LMNB1: variants seen among roughly 807,000 people sequenced by gnomAD.
The protein encoded by LMNB1 is lamin-B1.
In LMNB1, 23 loss-of-function variants were observed where a neutral mutation model predicts 67.1. The ratio of observed to expected loss-of-function variants is 0.34; its 90% CI spans 0.25 to 0.49. The LOEUF is 0.49. LMNB1 is among the 20% of genes least tolerant of loss of function. The pLI, the probability that LMNB1 is intolerant of heterozygous loss-of-function variation, is 0.99. For missense variants in LMNB1, 634 were observed against 746.5 expected, an observed-to-expected ratio of 0.85 and a Z score of 1.76; for synonymous variants, 281 against 282.9, an observed-to-expected ratio of 0.99 and a Z score of 0.07.
chr5:126,800,503 A>G (rs1751243288), intron 1 of LMNB1, among the ~76,000 whole-genome samples: 1 of 150,564 alleles, frequency 6.6e-6, no homozygotes, highest in African/African-American at 2.4e-5. Context: ...TAGGACTTAG[A>G]CCTGAAGGGC....
At position 126,777,537 on chromosome 5, in the gene LMNB1, G is replaced by C; in HGVS notation, c.29G>C (p.Arg10Pro). The C allele has an allele frequency of 7.1e-7, 1 of 1,413,680 alleles. No individual in the cohort carries two copies. Among genetic ancestry groups the C allele is most frequent in the Non-Finnish European group, 9.2e-7 (1 of 1,081,156 alleles). The allele number at this position is 1,413,680 out of a possible 1,614,324, so 87.6% of individuals were successfully genotyped here. The change falls in exon 1 of 11, where the codon CGG becomes CCG. Residue 10 changes from arginine (R) to proline (P), a missense_variant. By Grantham distance (103) the Arg-to-Pro change is moderately radical. Coordinates refer to ENST00000261366, the MANE Select transcript of LMNB1 (RefSeq NM_005573.4). MATATPVPP[R>P]MGSRAGGPTT... ...GCGACTGCGACCCCCGTGCCGCCGC[G>C]GATGGGCAGCCGCGCTGGCGGCCCC...
chr5:126,821,123 C>T lies in LMNB1; in HGVS notation c.1374C>T (p.Asn458=), dbSNP rs776097239. The change falls in exon 7 of 11, where the codon AAC becomes AAT. Residue 458 remains asparagine (N), a synonymous_variant. Transcript: ENST00000261366. Reference sequence around the variant, plus strand: ...ATGGGAAATTTATCCGCTTGAAGAACACTTCTGAACAGGTAATAAAATAGA... The same window carrying T: ...ATGGGAAATTTATCCGCTTGAAGAATACTTCTGAACAGGTAATAAAATAGA... ...DVDGKFIRLK[N]TSEQDQPMGG... is the part of the protein sequence containing the mutation. The T allele has an allele frequency of 4.4e-6, 7 of 1,609,100 alleles. No homozygotes were observed. The highest frequency in any genetic ancestry group is 6.0e-6 in the Non-Finnish European group (7 of 1,175,602).
rs557076370 is a variant in LMNB1, at chr5:126,808,962, G to A, written c.643-1218G>A. Among the ~76,000 whole-genome samples, 244 of 151,810 alleles carry A rather than the reference G, an allele frequency of 1.6e-3. 1 individual carries two copies. The highest frequency in any genetic ancestry group is 5.4e-3 in the African/African-American group (225 of 41,376). ...GCGATCTTGGCTCACTGCAACCACC[G>A]TCTCCCAGGTTCAAGTGATTCTCCC... On this transcript the variant is annotated intron_variant, in intron 3 of 10. Transcript: ENST00000261366.
chr5:126,787,471 T>TAAC (rs1750822330), intron 1 of LMNB1, among the ~76,000 whole-genome samples: 1 of 147,664 alleles, frequency 6.8e-6, no homozygotes, highest in East Asian at 1.9e-4. Context: ...ATACTTTATG[T>TAAC]ATATGTTACT....
At chr5:126,812,027 T>C in intron 5 of LMNB1, 129 bp downstream of exon 5, 1 of 855,672 alleles carries the variant, frequency 1.2e-6, no homozygotes, top group Non-Finnish European at 1.8e-6. Flanking sequence ...ATCCTGTGCT[T>C]TCGTCTTCAC....
Position 126,836,396 on chromosome 5 carries a change from C to T in LMNB1, c.*132C>T. 1.6e-6 allele frequency: 1 copy of T among 632,210 alleles called. No individual in the cohort carries two copies. The highest frequency in any genetic ancestry group is 2.4e-5 in the South Asian group (1 of 41,880). The allele number at this position is 632,210 out of a possible 1,614,324, so 39.2% of individuals were successfully genotyped here. On this transcript the variant is annotated 3_prime_UTR_variant, in exon 11 of 11. Coordinates refer to ENST00000261366, the MANE Select transcript of LMNB1 (RefSeq NM_005573.4). Reference sequence around the variant, plus strand: ...AATTTTTAAGCTGCAAATCTGATGGCCTTAATTTCCTTTTTGACACTGAAA... The same window carrying T: ...AATTTTTAAGCTGCAAATCTGATGGTCTTAATTTCCTTTTTGACACTGAAA...
intron 8 of LMNB1, among the ~76,000 whole-genome samples, chr5:126,824,956 G>A (rs1341502364): frequency 6.6e-6 from 1 of 150,550 alleles, no homozygotes; most frequent in African/African-American, 2.4e-5. Context: ...CCAAAGTGCT[G>A]TGATTACAGG....
intron 1 of LMNB1, among the ~76,000 whole-genome samples, chr5:126,795,344 C>T (rs922140140): frequency 6.6e-6 from 1 of 151,960 alleles, no homozygotes; most frequent in Non-Finnish European, 1.5e-5. Flanking sequence ...CACCATGTTG[C>T]CCAGGGTGGT....
At chr5:126,811,974 G>T in intron 5 of LMNB1, 76 bp downstream of exon 5, 1 of 1,431,918 alleles carries the variant, frequency 7.0e-7, no homozygotes, top group Non-Finnish European at 9.7e-7. Context: ...CTTTGCTTGG[G>T]CTGATGTCAC....
chr5:126,826,077 G>A lies in LMNB1; in HGVS notation c.1581G>A (p.Val527=). 1.2e-6 allele frequency: 2 copies of A among 1,613,962 alleles called. No individual in the cohort carries two copies. The highest frequency in any genetic ancestry group is 8.5e-7 in the Non-Finnish European group (1 of 1,179,846). ...NQNSWGTGED[V]KVILKNSQGE... is the part of the protein sequence containing the mutation. ...ACTCGTGGGGCACTGGCGAAGATGT[G>A]AAGGTTATATTGAAAAATTCTCAGG... Residue 527 remains valine (V), a synonymous_variant, in exon 9 of 11, where the codon GTG becomes GTA. Transcript: ENST00000261366.
At position 126,795,933 on chromosome 5, in the gene LMNB1, C is replaced by CTTTTTTTTTTTTTT. The variant is rs70997314; in HGVS notation, c.360-8840_360-8827dup. ...GAGCCACTGCGCCTGGCCCAGGATG[C>CTTTTTTTTTTTTTT]TTTTTTTTTTTTTTTTGAGACGGAG... On this transcript the variant is annotated intron_variant, in intron 1 of 10. Coordinates refer to ENST00000261366, the MANE Select transcript of LMNB1 (RefSeq NM_005573.4). Among the ~76,000 whole-genome samples, 94 of 82,074 alleles carry CTTTTTTTTTTTTTT rather than the reference C, an allele frequency of 1.1e-3. 18 individuals carry two copies. Among genetic ancestry groups the CTTTTTTTTTTTTTT allele is most frequent in the South Asian group, 2.6e-3 (5 of 1,950 alleles). 53.8% of individuals were successfully genotyped at this position (82,074 alleles called of 152,430 possible).
rs1750722262 is a variant in LMNB1, at chr5:126,784,755, A to T, written c.359+6888A>T. ...ACTGCAAGCTCCACCTCCCGGGTTCACGCCATTCTCCTGCCTCACTCAGCC... is the reference window on the plus strand; with the variant it reads ...ACTGCAAGCTCCACCTCCCGGGTTCTCGCCATTCTCCTGCCTCACTCAGCC... On this transcript the variant is annotated intron_variant, in intron 1 of 10. Coordinates refer to ENST00000261366, the MANE Select transcript of LMNB1 (RefSeq NM_005573.4). Among the ~76,000 whole-genome samples the T allele has an allele frequency of 2.0e-5, 3 of 150,152 alleles. No individual in the cohort carries two copies. In the South Asian group the frequency reaches 6.3e-4, roughly 31 times the overall value.
intron 1 of LMNB1, among the ~76,000 whole-genome samples, chr5:126,787,691 C>T (rs544290320): frequency 1.4e-4 from 21 of 151,056 alleles, no homozygotes; most frequent in African/African-American, 4.1e-4. Flanking sequence ...GCTGGGATTA[C>T]AGCCGCCTGC....
intron 10 of LMNB1, among the ~76,000 whole-genome samples, chr5:126,833,233 G>C (rs571729881): frequency 2.0e-5 from 3 of 152,182 alleles, no homozygotes; most frequent in Non-Finnish European, 4.4e-5. Flanking sequence ...GCTGTATTAA[G>C]TTCCTAATCA....
intron 8 of LMNB1, 124 bp from the exon 9 acceptor site, chr5:126,825,864 C>T (rs1006485788): frequency 7.5e-7 from 1 of 1,339,356 alleles, no homozygotes; most frequent in Non-Finnish European, 1.0e-6. Context: ...GTGTATAGCA[C>T]TCTGTAGCTG....
At chr5:126,788,409 T>C (rs1448922654) in intron 1 of LMNB1, among the ~76,000 whole-genome samples, 1 of 152,026 alleles carries the variant, frequency 6.6e-6, no homozygotes, top group Non-Finnish European at 1.5e-5. Flanking sequence ...AGGCTGAGTG[T>C]GTGGATCACT....
intron 3 of LMNB1, among the ~76,000 whole-genome samples, chr5:126,807,999 G>A (rs1407696733): frequency 6.6e-6 from 1 of 151,908 alleles, no homozygotes; most frequent in Non-Finnish European, 1.5e-5. Context: ...AGCCTCTGGA[G>A]TAACTGGGTC....
chr5:126,784,007 T>C (rs1267453221), intron 1 of LMNB1, among the ~76,000 whole-genome samples: 2 of 147,618 alleles, frequency 1.4e-5, no homozygotes, highest in African/African-American at 5.0e-5. Flanking sequence ...GCTTTGGCTG[T>C]CATTTGATTT....
At chr5:126,808,687 G>C (rs1751512392) in intron 3 of LMNB1, among the ~76,000 whole-genome samples, 1 of 152,100 alleles carries the variant, frequency 6.6e-6, no homozygotes, top group Non-Finnish European at 1.5e-5. Context: ...TGTGATCTCT[G>C]GGAAGGTGAT....
Sources: gnomAD v4.1 joint callset for allele counts (sites outside exome capture counted in the v4.1 genomes callset) on GRCh38, gnomAD v4.1.1 for gene constraint, MANE v1.5 for transcripts, NCBI Gene and HGNC (gene_info 2026-07-23, HGNC 2026-07-21) for gene names.